VPS52: variants seen among roughly 807,000 people sequenced by gnomAD.
VPS52 encodes the protein VPS52 subunit of GARP complex, also known as vacuolar protein sorting-associated protein 52 homolog.
A neutral mutation model predicts 98.7 loss-of-function variants in VPS52; 56 were observed. The observed-to-expected ratio is 0.57, with a 90% CI of 0.46 to 0.71. The LOEUF (loss-of-function observed/expected upper bound fraction) is 0.71. Ranked by LOEUF, VPS52 falls within the 30% of genes least tolerant of loss-of-function variation. VPS52 has a pLI of 0.00. For synonymous variants in VPS52, 348 were observed against 346.4 expected, an observed-to-expected ratio of 1.00 and a Z score of -0.05; for missense variants, 742 against 925.9, an observed-to-expected ratio of 0.80 and a Z score of 2.58.
intron 17 of VPS52, among the ~76,000 whole-genome samples, chr6:33,256,272 CA>C (rs1320143976): frequency 1.3e-5 from 2 of 149,894 alleles, no homozygotes; most frequent in East Asian, 3.9e-4. Flanking sequence ...TGAGACACTA[CA>C]AAAAATTAAA....
chr6:33,262,739 A>G lies in VPS52; in HGVS notation c.1794+745T>C, dbSNP rs147018673. 6.0e-3 allele frequency among the ~76,000 whole-genome samples: 908 copies of G among 152,344 alleles called. 4 individuals carry two copies. The highest frequency in any genetic ancestry group is 0.01 in the Non-Finnish European group (693 of 68,034). On this transcript the variant is annotated intron_variant, in intron 17 of 19. Transcript: ENST00000445902. ...TTGCAACAACATGCATAGAATTGGA[A>G]ATTATTATATTAAGTGAAATAAGCC... is the stretch of plus-strand genomic sequence containing the variant.
chr6:33,269,673 G>T, intron 4 of VPS52, 71 bp downstream of exon 4: 1 of 1,570,862 alleles, frequency 6.4e-7, no homozygotes, highest in Non-Finnish European at 8.7e-7. Context: ...GACCCCAGCT[G>T]GGACATCTGT....
At chr6:33,263,625 C>T in intron 16 of VPS52, 76 bp from the exon 17 acceptor site, 2 of 1,592,080 alleles carry the variant, frequency 1.3e-6, no homozygotes, top group South Asian at 1.1e-5. Flanking sequence ...TCATTCCACA[C>T]TTATTGTACT....
intron 17 of VPS52, among the ~76,000 whole-genome samples, chr6:33,261,209 T>C (rs1393413593): frequency 6.6e-6 from 1 of 152,068 alleles, no homozygotes; most frequent in African/African-American, 2.4e-5. Context: ...AGCTCACGCC[T>C]GTAATCCCAG....
At chr6:33,265,969 C>G (rs1562564839) in intron 12 of VPS52, among the ~76,000 whole-genome samples, 1 of 152,028 alleles carries the variant, frequency 6.6e-6, no homozygotes, top group Non-Finnish European at 1.5e-5. Flanking sequence ...CAGGTTCAAG[C>G]AATCCTCCTG....
At chr6:33,270,950 CAAAAAAAAA>C (rs9280391) in intron 1 of VPS52, among the ~76,000 whole-genome samples, 1 of 84,678 alleles carries the variant, frequency 1.2e-5, no homozygotes, top group Non-Finnish European at 2.2e-5. Flanking sequence ...GACTCCGTCT[CAAAAAAAAA>C]AAAAAAAAAA....
intron 17 of VPS52, among the ~76,000 whole-genome samples, chr6:33,257,072 C>G (rs1245309006): frequency 6.6e-6 from 1 of 152,110 alleles, no homozygotes; most frequent in Admixed American, 6.6e-5. Context: ...CTCTGTTGCC[C>G]AGGCTGGAGT....
At chr6:33,264,615 T>C in intron 13 of VPS52, 118 bp from the exon 14 acceptor site, 2 of 1,510,296 alleles carry the variant, frequency 1.3e-6, no homozygotes, top group South Asian at 1.2e-5. Flanking sequence ...TGGGGGGCAG[T>C]GGTTGGAGAA....
chr6:33,253,853 CAGA>C (rs1368160338), intron 17 of VPS52, among the ~76,000 whole-genome samples: 2 of 152,046 alleles, frequency 1.3e-5, no homozygotes, highest in Admixed American at 1.3e-4. Context: ...CTGGGGGACA[CAGA>C]AGGAGGATAA....
Position 33,267,978 on chromosome 6 carries a change from G to A in VPS52, c.820C>T (p.Leu274=), listed in dbSNP as rs213199. Residue 274 remains leucine, a synonymous_variant, in exon 9 of 20, where the codon CTG becomes TTG. Coordinates refer to ENST00000445902, the MANE Select transcript of VPS52 (RefSeq NM_022553.6). This position sits in a 1 kb window ranked among gnomAD's most constrained non-coding sequence, Gnocchi z 4.2. ...TTTGCTGTTGCTCGTTCATTGCCCA[G>A]CAGAAACTGATAGAAGAACCTAGGG... ...LKYRFFYQFL[L]GNERATAKEI... 0.37 allele frequency: 602,577 copies of A among 1,612,704 alleles called. 115,248 individuals carry two copies. The highest frequency in any genetic ancestry group is 0.64 in the East Asian group (28,733 of 44,864).
In VPS52 at chr6:33,250,839, C is replaced by T. The variant is rs1762132866; in HGVS notation, c.*2G>A. 6.2e-7 allele frequency: 1 copy of T among 1,609,910 alleles called. No individual in the cohort carries two copies. Among genetic ancestry groups the T allele is most frequent in the Non-Finnish European group, 8.5e-7 (1 of 1,177,586 alleles). Reference sequence around the variant, plus strand: ...GCAGATCTCAGGGCGGTTTCTGGCACATCAGAAGTTGGGCTTATGCTTCTT... The same window carrying T: ...GCAGATCTCAGGGCGGTTTCTGGCATATCAGAAGTTGGGCTTATGCTTCTT... On this transcript the variant is annotated 3_prime_UTR_variant, in exon 20 of 20. Coordinates refer to ENST00000445902, the MANE Select transcript of VPS52 (RefSeq NM_022553.6).
chr6:33,271,704 C>T lies in VPS52; in HGVS notation c.-29G>A, dbSNP rs1169532448. On this transcript the variant is annotated 5_prime_UTR_variant, in exon 1 of 20. Transcript: ENST00000445902. Reference sequence around the variant, plus strand: ...CCGCAGCCTCACTTCCGGCAACTGTCAGTCCCGGCGAGTCCGTTCCCCGGA... The same window carrying T: ...CCGCAGCCTCACTTCCGGCAACTGTTAGTCCCGGCGAGTCCGTTCCCCGGA... The T allele has an allele frequency of 6.3e-7, 1 of 1,590,164 alleles. No individual in the cohort carries two copies. Among genetic ancestry groups the T allele is most frequent in the Non-Finnish European group, 8.6e-7 (1 of 1,167,420 alleles).
chr6:33,268,683 G>A lies in VPS52; in HGVS notation c.549-34C>T, dbSNP rs1427540771. The A allele has an allele frequency of 2.6e-6, 4 of 1,568,312 alleles. No homozygotes were observed. In the African/African-American group the frequency reaches 5.4e-5, roughly 21 times the overall value. On this transcript the variant is annotated intron_variant, in intron 6 of 19. Coordinates refer to ENST00000445902, the MANE Select transcript of VPS52 (RefSeq NM_022553.6). The surrounding 1 kb of genome is among the most constrained non-coding windows in gnomAD (Gnocchi z 4.0). ...CAGGGAGGGGTGGGATGAGTTACAA[G>A]GGAGACCCAGACATCCCTAAACCAG...
intron 17 of VPS52, among the ~76,000 whole-genome samples, chr6:33,261,076 G>C (rs1763577456): frequency 6.6e-6 from 1 of 151,678 alleles, no homozygotes; most frequent in Admixed American, 6.6e-5. Context: ...GTTGTCTTTT[G>C]TAAAGACAAC....
rs577718941 is a variant in VPS52, at chr6:33,257,546, G to A, written c.1795-5575C>T. On this transcript the variant is annotated intron_variant, in intron 17 of 19. Transcript: ENST00000445902. ...CATGAGTAGCTAGGACTACAGGTAC[G>A]CATCACCACGCCCAGCTAATTTTTT... 4.9e-4 allele frequency among the ~76,000 whole-genome samples: 74 copies of A among 152,126 alleles called. 4 individuals carry two copies. In the East Asian group the frequency reaches 5.0e-3, roughly 10 times the overall value.
Position 33,263,833 on chromosome 6 carries a change from G to T in VPS52, c.1667C>A (p.Ser556Ter), listed in dbSNP as rs777759336. Residue 556 changes from serine (S) to a stop codon, truncating the protein, a stop_gained, in exon 16 of 20, where the codon TCA becomes TAA. Transcript: ENST00000445902. LOFTEE classifies it high-confidence loss of function. ...FVLRVAAEFS[S>*]RKEQLVFLIN... Reference sequence around the variant, plus strand: ...CAGAAACACAAGCTGCTCCTTCCTTGAGGAGAACTCAGCTGCCACTCGGAG... The same window carrying T: ...CAGAAACACAAGCTGCTCCTTCCTTTAGGAGAACTCAGCTGCCACTCGGAG... 6.2e-7 allele frequency: 1 copy of T among 1,614,148 alleles called. No individual in the cohort carries two copies. The highest frequency in any genetic ancestry group is 1.1e-5 in the South Asian group (1 of 91,036).
At chr6:33,251,390 T>C (rs113638045) in intron 19 of VPS52, 128 bp downstream of exon 19, 2 of 702,062 alleles carry the variant, frequency 2.8e-6, no homozygotes, top group Admixed American at 2.3e-5. Context: ...TTAGGGCTCA[T>C]ACAGAACTTT....
chr6:33,251,091 C>G (rs107861), intron 19 of VPS52, 104 bp from the exon 20 acceptor site: 223,106 of 1,517,634 alleles, frequency 0.15, 17,538 homozygotes, highest in South Asian at 0.21. Context: ...CACTTGTAAT[C>G]CCAGCACTGT....
Position 33,267,629 on chromosome 6 carries a change from A to C in VPS52, c.991+53T>G, listed in dbSNP as rs200575580. 78 of 1,604,834 alleles carry C rather than the reference A, an allele frequency of 4.9e-5. No homozygotes were observed. The highest frequency in any genetic ancestry group is 6.3e-5 in the Non-Finnish European group (74 of 1,173,926). Reference sequence around the variant, plus strand: ...AGCAGTGCATTGGTGGCTGGAGTCGAAAGTCCTCCCACTCTCAAGGCCTGG... The same window carrying C: ...AGCAGTGCATTGGTGGCTGGAGTCGCAAGTCCTCCCACTCTCAAGGCCTGG... On this transcript the variant is annotated intron_variant, in intron 10 of 19. Transcript: ENST00000445902. This position sits in a 1 kb window ranked among gnomAD's most constrained non-coding sequence, Gnocchi z 4.2.
Sources: allele counts gnomAD v4.1 joint callset (sites outside exome capture counted in the v4.1 genomes callset), GRCh38; gene constraint gnomAD v4.1.1; non-coding constraint Gnocchi (gnomAD v3.1); transcripts MANE v1.5; gene names NCBI Gene and HGNC (gene_info 2026-07-23, HGNC 2026-07-21).